The following LYPD6B variants were observed in gnomAD, a reference collection of about 807,000 sequenced individuals.
LYPD6B encodes LY6/PLAUR domain containing 6B.
A neutral mutation model predicts 22.8 loss-of-function variants in LYPD6B; 17 were observed. That is an observed-to-expected ratio of 0.75 (90% confidence interval 0.51 to 1.12). The LOEUF is 1.12. Among genes scored for constraint, LYPD6B ranks in the 50% most tolerant of loss-of-function variants. The pLI is 0.00. For missense variants in LYPD6B, 221 were observed against 258.3 expected, an observed-to-expected ratio of 0.86 and a Z score of 0.99; for synonymous variants, 106 against 91.6, an observed-to-expected ratio of 1.16 and a Z score of -0.90.
At chr2:149,094,166 A>G (rs1036773040) in intron 1 of LYPD6B, among the ~76,000 whole-genome samples, 5 of 152,246 alleles carry the variant, frequency 3.3e-5, no homozygotes, top group African/African-American at 4.8e-5. Context: ...GTCCCTATGT[A>G]TGAATGAATA....
chr2:149,069,625 A>G (rs1353850520), intron 1 of LYPD6B, among the ~76,000 whole-genome samples: 1 of 151,560 alleles, frequency 6.6e-6, no homozygotes, highest in Non-Finnish European at 1.5e-5. Context: ...TAAATTTGCC[A>G]AAGACTTTGA....
chr2:149,156,514 G>C (rs1689711077), intron 2 of LYPD6B, among the ~76,000 whole-genome samples: 1 of 152,282 alleles, frequency 6.6e-6, no homozygotes, highest in South Asian at 2.1e-4. Flanking sequence ...GAGGCTGGAA[G>C]TTCAAAATCA....
intron 1 of LYPD6B, among the ~76,000 whole-genome samples, chr2:149,098,643 A>AAG (rs1686029074): frequency 7.6e-6 from 1 of 130,960 alleles, no homozygotes; most frequent in Non-Finnish European, 1.6e-5. Flanking sequence ...AAAAAAAAAA[A>AAG]AAAAAAGAAA....
intron 5 of LYPD6B, among the ~76,000 whole-genome samples, chr2:149,211,739 T>C (rs962696353): frequency 6.6e-6 from 1 of 152,146 alleles, no homozygotes; most frequent in Admixed American, 6.5e-5. Flanking sequence ...CCAATTTTTT[T>C]CCCATTCTAT....
rs568593454 is a variant in LYPD6B, at chr2:149,047,472, C to T, written c.-67+8671C>T. On this transcript the variant is annotated intron_variant, in intron 1 of 6. Transcript: ENST00000409642. ...GTCTTCTGTAATTCCTATCTTTGTT[C>T]CTTTTCATTTGATGTTTCATTTTTC... 1.5e-3 allele frequency among the ~76,000 whole-genome samples: 226 copies of T among 152,026 alleles called. 5 individuals are homozygous for T. The South Asian group carries it at 0.023, about 16-fold the overall frequency.
intron 3 of LYPD6B, among the ~76,000 whole-genome samples, chr2:149,199,799 C>T (rs957828946): frequency 4.6e-5 from 7 of 152,122 alleles, no homozygotes; most frequent in African/African-American, 1.7e-4. Context: ...AAATTGAAGC[C>T]GTAGGAACTG....
intron 3 of LYPD6B, among the ~76,000 whole-genome samples, chr2:149,167,952 C>T (rs940515097): frequency 1.5e-4 from 23 of 151,496 alleles, no homozygotes; most frequent in African/African-American, 5.1e-4. Flanking sequence ...TGTGGTGGCT[C>T]ATGCCTGTAA....
chr2:149,180,232 T>G (rs982541205), intron 3 of LYPD6B, among the ~76,000 whole-genome samples: 1 of 152,212 alleles, frequency 6.6e-6, no homozygotes, highest in Admixed American at 6.5e-5. Context: ...ACAGATTTAC[T>G]AGGGGCTCTA....
chr2:149,073,132 C>T (rs1684701815), intron 1 of LYPD6B, among the ~76,000 whole-genome samples: 1 of 152,172 alleles, frequency 6.6e-6, no homozygotes, highest in Non-Finnish European at 1.5e-5. Flanking sequence ...GTGAGGTAGG[C>T]AGAGCTGTTT....
At chr2:149,119,892 A>G (rs931930194) in intron 1 of LYPD6B, among the ~76,000 whole-genome samples, 3 of 152,222 alleles carry the variant, frequency 2.0e-5, no homozygotes, top group Admixed American at 6.5e-5. Context: ...TAGAGCCAGC[A>G]TATATAGACA....
intron 2 of LYPD6B, 172 bp downstream of exon 2, chr2:149,131,125 G>C (rs1471039352): frequency 3.6e-6 from 2 of 554,474 alleles, no homozygotes; most frequent in Non-Finnish European, 6.3e-6. Context: ...TGTGGTTTCA[G>C]TATCTTCCCC....
chr2:149,197,043 A>G, intron 3 of LYPD6B, among the ~76,000 whole-genome samples: 1 of 152,202 alleles, frequency 6.6e-6, no homozygotes, highest in East Asian at 1.9e-4. Context: ...ATTAAAAGAA[A>G]TGAGTTCAAT....
rs57242346 is a variant in LYPD6B at position 149,171,770 on chromosome 2, G to C, written c.77+10935G>C. 7.8e-3 allele frequency among the ~76,000 whole-genome samples: 1,193 copies of C among 152,230 alleles called. 15 individuals carry two copies. The highest frequency in any genetic ancestry group is 0.028 in the African/African-American group (1,150 of 41,534). ...CTATGCTGCTGAAGATGTTCTGTTG[G>C]TTTAGGGAGAAAACACTCTACTACT... is the stretch of plus-strand genomic sequence containing the variant. On this transcript the variant is annotated intron_variant, in intron 3 of 6. Transcript: ENST00000409642.
intron 1 of LYPD6B, among the ~76,000 whole-genome samples, chr2:149,110,922 G>A (rs1282617042): frequency 6.6e-6 from 1 of 152,132 alleles, no homozygotes; most frequent in African/African-American, 2.4e-5. Flanking sequence ...ATATGTGTCT[G>A]GGAAGAACTC....
chr2:149,087,018 T>TTA (rs1553481093), intron 1 of LYPD6B, among the ~76,000 whole-genome samples: 10 of 151,488 alleles, frequency 6.6e-5, no homozygotes, highest in East Asian at 1.9e-4. Flanking sequence ...TTTTTTTTTT[T>TTA]AAAAAAACCC....
In LYPD6B at chr2:149,198,856, A is replaced by G. The variant is rs141623760; in HGVS notation, c.78-6397A>G. On this transcript the variant is annotated intron_variant, in intron 3 of 6. Coordinates refer to ENST00000409642, the MANE Select transcript of LYPD6B (RefSeq NM_177964.5). ...GTATTACATTTATGACTCTTTATGG[A>G]ATAACTAGAATTCTTCATTAATCTC... Among the ~76,000 whole-genome samples, 9 of 152,320 alleles carry G rather than the reference A, an allele frequency of 5.9e-5. No homozygotes were observed. The East Asian group carries it at 1.5e-3, about 26-fold the overall frequency.
intron 1 of LYPD6B, among the ~76,000 whole-genome samples, chr2:149,129,392 G>A (rs926093111): frequency 1.3e-5 from 2 of 152,160 alleles, no homozygotes; most frequent in African/African-American, 4.8e-5. Context: ...TTGGACAAAT[G>A]CCAGGCCTAG....
At chr2:149,109,092 GAA>G (rs577256263) in intron 1 of LYPD6B, among the ~76,000 whole-genome samples, 296 of 152,188 alleles carry the variant, frequency 1.9e-3, no homozygotes, top group African/African-American at 6.8e-3. Context: ...TAAATAATAA[GAA>G]AAAATATTAC....
At chr2:149,189,109 C>T (rs1270714145) in intron 3 of LYPD6B, among the ~76,000 whole-genome samples, 1 of 151,788 alleles carries the variant, frequency 6.6e-6, no homozygotes, top group Admixed American at 6.6e-5. Flanking sequence ...TGGTAGCCCC[C>T]TCTTCCTATG....
Sources: gnomAD v4.1 joint callset for allele counts (sites outside exome capture counted in the v4.1 genomes callset) on GRCh38, gnomAD v4.1.1 for gene constraint, MANE v1.5 for transcripts, NCBI Gene and HGNC (gene_info 2026-07-23, HGNC 2026-07-21) for gene names.